Variants in BOLL observed in about 807,000 individuals in gnomAD.
BOLL encodes boule RNA binding protein.
In BOLL, 23 loss-of-function variants were observed where a neutral mutation model predicts 44.4. The ratio of observed to expected loss-of-function variants is 0.52; its 90% CI spans 0.37 to 0.73. The LOEUF is 0.73. Among genes scored for constraint, BOLL ranks in the 30% least tolerant of loss-of-function variants. BOLL has a pLI of 0.00. For synonymous variants in BOLL, 97 were observed against 110.8 expected (o/e 0.88, Z 0.78); for missense variants, 287 against 338.3 (o/e 0.85, Z 1.19).
At chr2:197,776,989 G>T in intron 4 of BOLL, 70 bp downstream of exon 4, 1 of 1,226,278 alleles carries the variant, frequency 8.2e-7, no homozygotes, top group South Asian at 1.5e-5. Flanking sequence ...TATTGTATTT[G>T]AACCCCGAAA....
At chr2:197,767,349 G>C (rs1434123972) in intron 6 of BOLL, among the ~76,000 whole-genome samples, 2 of 151,888 alleles carry the variant, frequency 1.3e-5, no homozygotes, top group Non-Finnish European at 2.9e-5. Context: ...TTTAATGTTT[G>C]CACCCCCGAA....
At chr2:197,748,015 G>A (rs971188225) in intron 9 of BOLL, among the ~76,000 whole-genome samples, 7 of 152,162 alleles carry the variant, frequency 4.6e-5, no homozygotes, top group African/African-American at 9.7e-5. Flanking sequence ...AATGTAGAAG[G>A]TGGGTGATTT....
Position 197,727,792 on chromosome 2 carries a change from T to G in BOLL, c.*763A>C, listed in dbSNP as rs993079638. ...AAAGGTGGATCCATATTTTATAAAA[T>G]TTGATACCAAATAAATTATGTTATA... On this transcript the variant is annotated 3_prime_UTR_variant, in exon 11 of 11. Coordinates refer to ENST00000392296, the MANE Select transcript of BOLL (RefSeq NM_033030.6). 6.6e-6 allele frequency: 1 copy of G among 152,236 alleles called. No homozygotes were observed. Among genetic ancestry groups the G allele is most frequent in the Non-Finnish European group, 1.5e-5 (1 of 67,982 alleles). The allele number at this position is 152,236 out of a possible 1,614,324, so 9.4% of individuals were successfully genotyped here. A position where few individuals can be genotyped will look rare whatever the true frequency, so the allele number is the denominator to read the frequency against.
intron 10 of BOLL, among the ~76,000 whole-genome samples, chr2:197,731,215 G>T (rs1224993959): frequency 6.6e-6 from 1 of 151,900 alleles, no homozygotes; most frequent in African/African-American, 2.4e-5. Context: ...AAGAGACAAA[G>T]AAGGCCATTA....
chr2:197,756,133 G>A (rs745805229), intron 9 of BOLL, among the ~76,000 whole-genome samples: 91 of 152,080 alleles, frequency 6.0e-4, no homozygotes, highest in South Asian at 1.0e-3. Context: ...AATACAGATT[G>A]ACAGGCAAAA....
At chr2:197,758,911 T>C (rs1688630025) in intron 7 of BOLL, 3 of 1,521,644 alleles carry the variant, frequency 2.0e-6, no homozygotes, top group Non-Finnish European at 2.6e-6. Context: ...ACTTTTTAGA[T>C]CTAAATGTTA....
intron 9 of BOLL, 28 bp downstream of exon 9, chr2:197,756,400 G>T (rs1453502312): frequency 3.3e-6 from 5 of 1,535,800 alleles, no homozygotes; most frequent in African/African-American, 2.8e-5. Context: ...GGTAGTTATA[G>T]ATCAATTACT....
chr2:197,734,441 G>T (rs2106314460), intron 10 of BOLL, among the ~76,000 whole-genome samples: 1 of 152,248 alleles, frequency 6.6e-6, no homozygotes, highest in African/African-American at 2.4e-5. Flanking sequence ...AATACCATTT[G>T]ACCCAGCCAT....
intron 2 of BOLL, among the ~76,000 whole-genome samples, chr2:197,780,092 A>G (rs1416458832): frequency 1.3e-5 from 2 of 152,084 alleles, no homozygotes; most frequent in Admixed American, 6.6e-5. Context: ...ATGCTAGAAT[A>G]AGAATTGTTA....
intron 7 of BOLL, among the ~76,000 whole-genome samples, chr2:197,759,562 G>C (rs1172150459): frequency 1.3e-5 from 2 of 152,124 alleles, no homozygotes; most frequent in Non-Finnish European, 2.9e-5. Context: ...CAGTACTGGG[G>C]TTCCATTTTC....
intron 9 of BOLL, chr2:197,755,932 T>G (rs1688499141): frequency 1.3e-5 from 2 of 152,320 alleles, no homozygotes; most frequent in East Asian, 3.9e-4. Flanking sequence ...AAACATACCA[T>G]GCACAGTTCC....
chr2:197,760,244 C>A (rs969513623), intron 7 of BOLL, among the ~76,000 whole-genome samples: 2 of 152,228 alleles, frequency 1.3e-5, no homozygotes, highest in Non-Finnish European at 2.9e-5. Flanking sequence ...CCGTGGGCCA[C>A]CCCCAGCAGA....
chr2:197,743,394 T>C (rs1439521989), intron 9 of BOLL, among the ~76,000 whole-genome samples: 2 of 152,200 alleles, frequency 1.3e-5, no homozygotes, highest in East Asian at 3.8e-4. Context: ...ATAAATCCTA[T>C]AGACATGTAT....
At chr2:197,744,602 G>A (rs757335008) in intron 9 of BOLL, among the ~76,000 whole-genome samples, 15 of 152,162 alleles carry the variant, frequency 9.9e-5, no homozygotes, top group Non-Finnish European at 2.2e-4. Flanking sequence ...AATTCTGAAT[G>A]TAGACTACTT....
intron 5 of BOLL, chr2:197,774,007 T>C (rs1405458185): frequency 4.4e-6 from 2 of 458,364 alleles, no homozygotes; most frequent in African/African-American, 4.1e-5. Flanking sequence ...CACCTATTTT[T>C]CTTCGCAGAA....
intron 9 of BOLL, among the ~76,000 whole-genome samples, chr2:197,754,078 T>G (rs1366140941): frequency 6.6e-6 from 1 of 151,750 alleles, no homozygotes; most frequent in Non-Finnish European, 1.5e-5. Flanking sequence ...TAAGTGGGAG[T>G]TGAACAATGA....
chr2:197,785,603 G>A (rs1277619446), upstream of BOLL, among the ~76,000 whole-genome samples: 2 of 152,214 alleles, frequency 1.3e-5, no homozygotes, highest in East Asian at 1.9e-4. This position sits in a 1 kb window ranked among gnomAD's most constrained non-coding sequence, Gnocchi z 6.7. Flanking sequence ...TGGGCGGCTG[G>A]GTCGAGTTCG....
At chr2:197,781,146 AT>A (rs930467138) in intron 2 of BOLL, among the ~76,000 whole-genome samples, 6 of 151,140 alleles carry the variant, frequency 4.0e-5, no homozygotes, top group East Asian at 1.9e-4. Flanking sequence ...CCGAATAGTT[AT>A]TTTTTTTTCT....
chr2:197,754,788 A>AAC (rs1319988228), intron 9 of BOLL, among the ~76,000 whole-genome samples: 1 of 148,566 alleles, frequency 6.7e-6, no homozygotes, highest in Non-Finnish European at 1.5e-5. Context: ...CACACACACA[A>AAC]ACCATAGAAG....
Sources: gnomAD v4.1 joint callset for allele counts (sites outside exome capture counted in the v4.1 genomes callset) on GRCh38, gnomAD v4.1.1 for gene constraint, Gnocchi (gnomAD v3.1) non-coding constraint, MANE v1.5 for transcripts, NCBI Gene and HGNC (gene_info 2026-07-23, HGNC 2026-07-21) for gene names.